Variants in METTL2A observed in about 807,000 individuals in gnomAD.
METTL2A encodes tRNA N(3)-cytidine methyltransferase METTL2A.
In METTL2A, 45 loss-of-function variants were observed where a neutral mutation model predicts 49.4. That is an observed-to-expected ratio of 0.91 (90% CI 0.72 to 1.17). The LOEUF (loss-of-function observed/expected upper bound fraction) is 1.17, where lower values mean the gene tolerates loss of function less well. METTL2A is among the 50% of genes most tolerant of loss of function. METTL2A has a pLI of 0.00. For missense variants in METTL2A, 361 were observed against 462.2 expected, an observed-to-expected ratio of 0.78 and a Z score of 2.01; for synonymous variants, 118 against 167.5, an observed-to-expected ratio of 0.70 and a Z score of 2.28.
At position 62,449,455 on chromosome 17, in the gene METTL2A, A is replaced by G. The variant is rs2070791502; in HGVS notation, c.*726A>G. 1 of 446,758 alleles carries G rather than the reference A, an allele frequency of 2.2e-6. No homozygotes were observed. The highest frequency in any genetic ancestry group is 4.5e-6 in the Non-Finnish European group (1 of 223,758). The allele number at this position is 446,758 out of a possible 1,614,324, so 27.7% of individuals were successfully genotyped here. ...GCCAGGCACGGTGGCTCACACCTGTAATCCCAGCACTTTGGGAGGCCAAGG... is the reference window on the plus strand; with the variant it reads ...GCCAGGCACGGTGGCTCACACCTGTGATCCCAGCACTTTGGGAGGCCAAGG... On this transcript the variant is annotated 3_prime_UTR_variant, in exon 9 of 9. Transcript: ENST00000311506.
intron 6 of METTL2A, among the ~76,000 whole-genome samples, chr17:62,443,523 A>T (rs2070749936): frequency 6.6e-6 from 1 of 152,220 alleles, no homozygotes; most frequent in Admixed American, 6.5e-5. Context: ...CTGAGGCAGG[A>T]GGATCACTTG....
chr17:62,443,812 G>A (rs56960811), intron 6 of METTL2A, among the ~76,000 whole-genome samples: 2,873 of 152,086 alleles, frequency 0.019, 74 homozygotes, highest in African/African-American at 0.066. Flanking sequence ...GGCTGGTCTC[G>A]AACTCCTGAC....
At chr17:62,429,714 A>G (rs928141719) in intron 4 of METTL2A, among the ~76,000 whole-genome samples, 2 of 152,170 alleles carry the variant, frequency 1.3e-5, no homozygotes, top group Admixed American at 6.5e-5. Flanking sequence ...TCTGTTGCCC[A>G]GGCTGGAGTG....
chr17:62,437,702 A>T (rs530685502), intron 5 of METTL2A, among the ~76,000 whole-genome samples: 1 of 152,114 alleles, frequency 6.6e-6, no homozygotes, highest in Non-Finnish European at 1.5e-5. Flanking sequence ...GGCTGGGGTC[A>T]GTGGCTCACA....
chr17:62,433,073 C>T (rs1197696917), intron 4 of METTL2A, among the ~76,000 whole-genome samples: 1 of 152,244 alleles, frequency 6.6e-6, no homozygotes, highest in Middle Eastern at 3.4e-3. Context: ...ATGCTACACC[C>T]GACACCATTG....
At chr17:62,430,359 A>G (rs1324632679) in intron 4 of METTL2A, among the ~76,000 whole-genome samples, 1 of 152,208 alleles carries the variant, frequency 6.6e-6, no homozygotes, top group Non-Finnish European at 1.5e-5. Context: ...TCTTTATGCC[A>G]TTTAAATAAG....
At position 62,426,432 on chromosome 17, in the gene METTL2A, G is replaced by A. The variant is rs2070627194; in HGVS notation, c.336G>A (p.Leu112=). 6.2e-7 allele frequency: 1 copy of A among 1,614,036 alleles called. No individual in the cohort carries two copies. Among genetic ancestry groups the A allele is most frequent in the South Asian group, 1.1e-5 (1 of 91,084 alleles). The change falls in exon 3 of 9, where the codon TTG becomes TTA. Residue 112 remains leucine, a synonymous_variant. Coordinates refer to ENST00000311506, the MANE Select transcript of METTL2A (RefSeq NM_181725.4). The stretch of plus-strand genomic sequence containing the variant: ...CACCTAGCCAAAATCAAAATCATTT[G>A]AAGGACTGGTTCTTGGAGAACAAGA... ...ELAPSQNQNH[L]KDWFLENKSE...
rs1188089215 is a variant in METTL2A, at chr17:62,450,181, G to T, written c.*1452G>T. ...GTGTTTGACACAAAAGGAATTGAGG[G>T]AACTTCTTAATTTTAACCACATCAT... is the stretch of plus-strand genomic sequence containing the variant. On this transcript the variant is annotated 3_prime_UTR_variant, in exon 9 of 9. Transcript: ENST00000311506. The T allele has an allele frequency of 1.3e-5, 2 of 149,596 alleles. No homozygotes were observed. The highest frequency in any genetic ancestry group is 6.8e-5 in the Admixed American group (1 of 14,806). 9.3% of individuals were successfully genotyped at this position (149,596 alleles called of 1,614,324 possible).
In METTL2A at chr17:62,433,365, G is replaced by A. The variant is rs190898290; in HGVS notation, c.609-1867G>A. 2.2e-3 allele frequency among the ~76,000 whole-genome samples: 330 copies of A among 151,944 alleles called. 1 individual carries two copies. Among genetic ancestry groups the A allele is most frequent in the African/African-American group, 7.5e-3 (310 of 41,416 alleles). ...AGGAGAATGGCTTGGACCCAGGAGT[G>A]GAGGTTGCAGTGAGCTGAGACCACA... On this transcript the variant is annotated intron_variant, in intron 4 of 8. Transcript: ENST00000311506.
intron 5 of METTL2A, among the ~76,000 whole-genome samples, 195 bp from the exon 6 acceptor site, chr17:62,440,422 T>C (rs1318852161): frequency 6.6e-6 from 1 of 152,184 alleles, no homozygotes; most frequent in East Asian, 1.9e-4. Context: ...CAAGTGATCC[T>C]ATCGCGTGAA....
At chr17:62,441,521 A>G (rs1490929258) in intron 6 of METTL2A, among the ~76,000 whole-genome samples, 2 of 152,034 alleles carry the variant, frequency 1.3e-5, no homozygotes, top group Admixed American at 6.6e-5. Flanking sequence ...ATCTAGGCTC[A>G]TTGCAACCTC....
chr17:62,438,220 A>T (rs2070713949), intron 5 of METTL2A, among the ~76,000 whole-genome samples: 2 of 152,090 alleles, frequency 1.3e-5, no homozygotes, highest in South Asian at 4.1e-4. Context: ...CAGCCTGGCC[A>T]ATATGGTGAA....
intron 4 of METTL2A, among the ~76,000 whole-genome samples, chr17:62,430,669 G>A (rs1043908158): frequency 1.7e-4 from 25 of 151,448 alleles, no homozygotes; most frequent in Admixed American, 1.1e-3. Flanking sequence ...AGTTGTTATC[G>A]TCCAGCTGCC....
intron 7 of METTL2A, among the ~76,000 whole-genome samples, chr17:62,446,032 CAT>C (rs2070766117): frequency 6.6e-6 from 1 of 152,152 alleles, no homozygotes; most frequent in African/African-American, 2.4e-5. Flanking sequence ...CACAGAAGAA[CAT>C]ATCTAAATGG....
chr17:62,437,133 C>CTTTT (rs747770697), intron 5 of METTL2A, among the ~76,000 whole-genome samples: 5 of 125,530 alleles, frequency 4.0e-5, no homozygotes, highest in African/African-American at 1.2e-4. Flanking sequence ...TCAGGCTTCA[C>CTTTT]TTTTTTTTTT....
rs979506314 is a variant in METTL2A at position 62,450,120 on chromosome 17, C to G, written c.*1391C>G. The G allele has an allele frequency of 2.9e-4, 44 of 151,922 alleles. 1 individual carries two copies. Among genetic ancestry groups the G allele is most frequent in the African/African-American group, 1.1e-3 (44 of 41,438 alleles). 9.4% of individuals were successfully genotyped at this position (151,922 alleles called of 1,614,324 possible). On this transcript the variant is annotated 3_prime_UTR_variant, in exon 9 of 9. Coordinates refer to ENST00000311506, the MANE Select transcript of METTL2A (RefSeq NM_181725.4). ...AAAAAAAAAAAGAAAAGAATTTTCA[C>G]TTTTTGCAAAATTATCTTTTTTAAT...
At chr17:62,441,103 G>T (rs911261732) in intron 6 of METTL2A, among the ~76,000 whole-genome samples, 1 of 152,202 alleles carries the variant, frequency 6.6e-6, no homozygotes, top group African/African-American at 2.4e-5. Context: ...ACCATGCCCA[G>T]CCTGGCGAGG....
chr17:62,424,353 C>T (rs2070608463), intron 2 of METTL2A, 43 bp downstream of exon 2: 1 of 1,611,644 alleles, frequency 6.2e-7, no homozygotes, highest in African/African-American at 1.3e-5. Flanking sequence ...AGCCAGCGTA[C>T]TGCCGAACGC....
intron 4 of METTL2A, among the ~76,000 whole-genome samples, chr17:62,434,314 C>T (rs1567735062): frequency 2.0e-5 from 3 of 152,122 alleles, no homozygotes; most frequent in African/African-American, 7.2e-5. Context: ...GGTTTTTAGT[C>T]TTGATTATAC....
Sources: allele counts gnomAD v4.1 joint callset (sites outside exome capture counted in the v4.1 genomes callset), GRCh38; gene constraint gnomAD v4.1.1; transcripts MANE v1.5; gene names NCBI Gene and HGNC (gene_info 2026-07-23, HGNC 2026-07-21).